The following ST8SIA1 variants were observed in gnomAD, a reference collection of about 807,000 sequenced individuals.
The protein encoded by ST8SIA1 is ST8 alpha-N-acetyl-neuraminide alpha-2,8-sialyltransferase 1, also known as alpha-N-acetylneuraminide alpha-2,8-sialyltransferase.
In ST8SIA1, 16 loss-of-function variants were observed where a neutral mutation model predicts 35.9. The observed-to-expected ratio is 0.45, with a 90% CI of 0.30 to 0.68. The LOEUF is 0.68. ST8SIA1 is among the 30% of genes least tolerant of loss of function. The probability of loss-of-function intolerance (pLI) is 0.09; values close to 1 mark genes in which losing one functional copy is unlikely to be tolerated. For missense variants in ST8SIA1, 383 were observed against 453.6 expected, an observed-to-expected ratio of 0.84 and a Z score of 1.41; for synonymous variants, 170 against 169.6, an observed-to-expected ratio of 1.00 and a Z score of -0.02.
At chr12:22,250,358 T>C (rs1865655282) in intron 3 of ST8SIA1, among the ~76,000 whole-genome samples, 4 of 152,252 alleles carry the variant, frequency 2.6e-5, no homozygotes, top group Admixed American at 2.6e-4. Context: ...CCAACCTTGA[T>C]GTGTACACTT....
chr12:22,273,262 A>G (rs922410292), intron 2 of ST8SIA1, among the ~76,000 whole-genome samples: 1 of 151,982 alleles, frequency 6.6e-6, no homozygotes, highest in Non-Finnish European at 1.5e-5. Context: ...ATTGATCCCC[A>G]CCGTTCACCT....
At chr12:22,230,550 CAA>C (rs1044222320) in intron 4 of ST8SIA1, among the ~76,000 whole-genome samples, 1 of 152,210 alleles carries the variant, frequency 6.6e-6, no homozygotes, top group African/African-American at 2.4e-5. Context: ...CCAAGACAGT[CAA>C]AGTGTCTGCA....
intron 2 of ST8SIA1, among the ~76,000 whole-genome samples, chr12:22,271,779 T>G (rs1450353142): frequency 6.6e-6 from 1 of 152,154 alleles, no homozygotes; most frequent in African/African-American, 2.4e-5. Flanking sequence ...CCTGTCTCCT[T>G]GTTCTCTGCA....
At chr12:22,206,192 C>A (rs2120619936) in intron 4 of ST8SIA1, among the ~76,000 whole-genome samples, 1 of 152,240 alleles carries the variant, frequency 6.6e-6, no homozygotes, top group South Asian at 2.1e-4. Flanking sequence ...AAATCTATCT[C>A]CATTCTGAAA....
chr12:22,321,016 AAGAAAGAAAGAAAGAAAG>A (rs1269527549), intron 1 of ST8SIA1, among the ~76,000 whole-genome samples: 6 of 104,530 alleles, frequency 5.7e-5, no homozygotes, highest in African/African-American at 2.5e-4. Flanking sequence ...GAAAGAAAGA[AAGAAAGAAAGAAAGAAAG>A]AGAAAGAGAA....
rs1354418672 is a variant in ST8SIA1 at position 22,199,486 on chromosome 12, TTCAC to T, written c.*2062_*2065del. 1 of 152,196 alleles carries T rather than the reference TTCAC, an allele frequency of 6.6e-6. No homozygotes were observed. Among genetic ancestry groups the T allele is most frequent in the Non-Finnish European group, 1.5e-5 (1 of 68,036 alleles). The allele number at this position is 152,196 out of a possible 1,614,324, so 9.4% of individuals were successfully genotyped here. On this transcript the variant is annotated 3_prime_UTR_variant, in exon 5 of 5. Transcript: ENST00000396037. ...TCAAAAGAGGAAACATATTTAAAGT[TTCAC>T]TCAAAGTGAATATTTAACACAATTT...
At chr12:22,237,682 T>C (rs910736697) in intron 4 of ST8SIA1, among the ~76,000 whole-genome samples, 2 of 151,882 alleles carry the variant, frequency 1.3e-5, no homozygotes, top group Non-Finnish European at 2.9e-5. Context: ...TTTTTTTAGG[T>C]TTGGAGATAC....
intron 1 of ST8SIA1, among the ~76,000 whole-genome samples, chr12:22,288,801 T>C (rs1329253984): frequency 2.0e-5 from 3 of 152,196 alleles, no homozygotes; most frequent in East Asian, 1.9e-4. Context: ...TGCTTCTCTT[T>C]CCTCTTCTTC....
intron 1 of ST8SIA1, among the ~76,000 whole-genome samples, chr12:22,328,187 A>T (rs1272027156): frequency 6.6e-6 from 1 of 152,268 alleles, no homozygotes; most frequent in African/African-American, 2.4e-5. Context: ...CTTTGAGAAT[A>T]CAAAGGATGC....
chr12:22,311,451 C>T (rs1289871822), intron 1 of ST8SIA1, among the ~76,000 whole-genome samples: 2 of 152,094 alleles, frequency 1.3e-5, no homozygotes, highest in African/African-American at 2.4e-5. Context: ...AACATCATTC[C>T]CAAACACCAC....
At chr12:22,243,116 G>A (rs1455048009) in intron 4 of ST8SIA1, among the ~76,000 whole-genome samples, 6 of 152,012 alleles carry the variant, frequency 3.9e-5, no homozygotes, top group African/African-American at 1.2e-4. Context: ...ACATATGTAT[G>A]CTTAATTTTT....
intron 1 of ST8SIA1, chr12:22,325,607 T>C (rs1325472993): frequency 1.5e-6 from 1 of 647,618 alleles, no homozygotes; most frequent in Non-Finnish European, 2.8e-6. Flanking sequence ...TCTCCTCTTA[T>C]CTGTGGAGGA....
chr12:22,318,981 G>T (rs1175019056), intron 1 of ST8SIA1, among the ~76,000 whole-genome samples: 3 of 152,172 alleles, frequency 2.0e-5, no homozygotes, highest in Non-Finnish European at 4.4e-5. Flanking sequence ...AGAAAATGAT[G>T]ATCTTAACAT....
chr12:22,327,422 G>A lies in ST8SIA1; in HGVS notation c.236+6575C>T, dbSNP rs368936074. Among the ~76,000 whole-genome samples, 11 of 152,282 alleles carry A rather than the reference G, an allele frequency of 7.2e-5. 1 individual carries two copies. Among genetic ancestry groups the A allele is most frequent in the African/African-American group, 2.6e-4 (11 of 41,560 alleles). On this transcript the variant is annotated intron_variant, in intron 1 of 4. Coordinates refer to ENST00000396037, the MANE Select transcript of ST8SIA1 (RefSeq NM_003034.4). The stretch of plus-strand genomic sequence containing the variant: ...AGCCGTTCCTTGCCCCCTCTGATGT[G>A]TGGACTAGGATTGTACATACCAGGG...
chr12:22,327,325 C>T (rs1866694558), intron 1 of ST8SIA1, among the ~76,000 whole-genome samples: 1 of 152,210 alleles, frequency 6.6e-6, no homozygotes, highest in South Asian at 2.1e-4. Flanking sequence ...GCCTATACCA[C>T]TTGCATATGT....
chr12:22,237,190 C>T (rs963381015), intron 4 of ST8SIA1, among the ~76,000 whole-genome samples: 13 of 152,126 alleles, frequency 8.5e-5, no homozygotes, highest in Non-Finnish European at 1.5e-4. Context: ...CCTTGAACGC[C>T]TAGGCTCAAG....
chr12:22,296,036 C>T (rs779799989), intron 1 of ST8SIA1, among the ~76,000 whole-genome samples: 1 of 152,166 alleles, frequency 6.6e-6, no homozygotes, highest in Non-Finnish European at 1.5e-5. Flanking sequence ...AAGTCATCCC[C>T]GTGTGATAGT....
intron 4 of ST8SIA1, among the ~76,000 whole-genome samples, chr12:22,232,695 C>A (rs1284216899): frequency 6.6e-6 from 1 of 151,914 alleles, no homozygotes; most frequent in East Asian, 1.9e-4. Context: ...TAAAATAGGC[C>A]GGACATGGTG....
chr12:22,330,014 C>G (rs1866739116), intron 1 of ST8SIA1, among the ~76,000 whole-genome samples: 1 of 152,214 alleles, frequency 6.6e-6, no homozygotes, highest in Non-Finnish European at 1.5e-5. Flanking sequence ...TCCTACCACC[C>G]AGCCCACTTT....
Sources: gnomAD v4.1 joint callset for allele counts (sites outside exome capture counted in the v4.1 genomes callset) on GRCh38, gnomAD v4.1.1 for gene constraint, MANE v1.5 for transcripts, NCBI Gene and HGNC (gene_info 2026-07-23, HGNC 2026-07-21) for gene names.